HDGFL3: variants seen among roughly 807,000 people sequenced by gnomAD.
HDGFL3 encodes HDGF like 3.
In HDGFL3, 6 loss-of-function variants were observed where a neutral mutation model predicts 27.6. That is an observed-to-expected ratio of 0.22 (90% CI 0.12 to 0.43). The LOEUF is 0.43. HDGFL3 is among the 20% of genes least tolerant of loss of function. HDGFL3 has a pLI of 1.00. For synonymous variants in HDGFL3, 88 were observed against 88.9 expected, an observed-to-expected ratio of 0.99 and a Z score of 0.05; for missense variants, 207 against 250.1, an observed-to-expected ratio of 0.83 and a Z score of 1.16.
At position 83,136,767 on chromosome 15, in the gene HDGFL3, T is replaced by A; in HGVS notation, c.*2503A>T. 1 of 1,026,486 alleles carries A rather than the reference T, an allele frequency of 9.7e-7. No individual in the cohort carries two copies. The highest frequency in any genetic ancestry group is 1.4e-6 in the Non-Finnish European group (1 of 701,850). 63.6% of individuals were successfully genotyped at this position (1,026,486 alleles called of 1,614,324 possible). A position where few individuals can be genotyped will look rare whatever the true frequency, so the allele number is the denominator to read the frequency against. ...ATTTCACTCTCTTCTCATACGTGAG[T>A]ACTTAAGAATATGTACATTCTTGCT... is the stretch of plus-strand genomic sequence containing the variant. On this transcript the variant is annotated 3_prime_UTR_variant, in exon 6 of 6. Transcript: ENST00000299633.
chr15:83,128,095 C>G lies in HDGFL3; in HGVS notation c.*11175G>C, dbSNP rs1334891341. The G allele has an allele frequency of 6.6e-6, 1 of 152,106 alleles. No homozygotes were observed. The highest frequency in any genetic ancestry group is 1.5e-5 in the Non-Finnish European group (1 of 68,012). The allele number at this position is 152,106 out of a possible 1,614,324, so 9.4% of individuals were successfully genotyped here. Reference sequence around the variant, plus strand: ...TAGCAAAACAAATCAATCTTCTGAACAAGGAAGAAAATTAATTTTTCTTAC... The same window carrying G: ...TAGCAAAACAAATCAATCTTCTGAAGAAGGAAGAAAATTAATTTTTCTTAC... On this transcript the variant is annotated 3_prime_UTR_variant, in exon 6 of 6. Transcript: ENST00000299633.
intron 1 of HDGFL3, chr15:83,169,094 A>T: frequency 4.5e-6 from 1 of 219,830 alleles, no homozygotes. Flanking sequence ...CCCTCAAGAA[A>T]CTAGGTATTG....
intron 1 of HDGFL3, among the ~76,000 whole-genome samples, chr15:83,199,903 G>A (rs562833741): frequency 9.9e-5 from 15 of 151,496 alleles, no homozygotes; most frequent in African/African-American, 2.2e-4. Flanking sequence ...AAAATTAGCC[G>A]GGCATGGTGG....
At position 83,136,269 on chromosome 15, in the gene HDGFL3, A is replaced by G. The variant is rs1039247267; in HGVS notation, c.*3001T>C. ...TAATATCTACTTTATTTGAACAGTC[A>G]TATCAAGAATGGCCCTAAATTTAAT... is the stretch of plus-strand genomic sequence containing the variant. On this transcript the variant is annotated 3_prime_UTR_variant, in exon 6 of 6. Transcript: ENST00000299633. 1.2e-5 allele frequency: 5 copies of G among 417,662 alleles called. No homozygotes were observed. The highest frequency in any genetic ancestry group is 2.1e-5 in the Non-Finnish European group (5 of 236,522). 25.9% of individuals were successfully genotyped at this position (417,662 alleles called of 1,614,324 possible).
chr15:83,182,186 T>G (rs550605613), intron 1 of HDGFL3, among the ~76,000 whole-genome samples: 1 of 152,200 alleles, frequency 6.6e-6, no homozygotes, highest in African/African-American at 2.4e-5. Flanking sequence ...TGAAGTAGTA[T>G]CTTCTGTGGA....
At chr15:83,126,816 T>C, downstream of HDGFL3, 4 of 1,613,980 alleles carry the variant, frequency 2.5e-6, no homozygotes, top group Non-Finnish European at 3.4e-6. Context: ...GAGCCCTATC[T>C]AAAGGATCCT....
intron 2 of HDGFL3, among the ~76,000 whole-genome samples, chr15:83,162,368 C>T (rs922664187): frequency 6.6e-5 from 10 of 152,064 alleles, no homozygotes; most frequent in African/African-American, 2.4e-4. Context: ...AAATCTGCCT[C>T]TGGATGATCA....
At chr15:83,159,013 G>T (rs1204162933) in intron 2 of HDGFL3, among the ~76,000 whole-genome samples, 1 of 151,988 alleles carries the variant, frequency 6.6e-6, no homozygotes, top group African/African-American at 2.4e-5. Context: ...GACTAATTTT[G>T]TATTTTTAGT....
In HDGFL3 at chr15:83,139,108, G is replaced by A. The variant is rs1307332328; in HGVS notation, c.*162C>T. ...AAAGGCTAAAATGTCTTTTCCCCCC[G>A]AAACACAACAGAGAGGAATATGAAT... On this transcript the variant is annotated 3_prime_UTR_variant, in exon 6 of 6. Coordinates refer to ENST00000299633, the MANE Select transcript of HDGFL3 (RefSeq NM_016073.4). 1.2e-5 allele frequency: 5 copies of A among 428,500 alleles called. No homozygotes were observed. Among genetic ancestry groups the A allele is most frequent in the South Asian group, 8.0e-5 (1 of 12,572 alleles). The allele number at this position is 428,500 out of a possible 1,614,324, so 26.5% of individuals were successfully genotyped here.
intron 1 of HDGFL3, among the ~76,000 whole-genome samples, chr15:83,197,157 CCT>C (rs1020639001): frequency 2.6e-5 from 4 of 152,162 alleles, no homozygotes; most frequent in Non-Finnish European, 5.9e-5. Context: ...TTGTCCTTCC[CCT>C]GACATCACAC....
intron 2 of HDGFL3, among the ~76,000 whole-genome samples, chr15:83,161,813 T>C (rs2037105364): frequency 6.6e-6 from 1 of 152,222 alleles, no homozygotes; most frequent in Admixed American, 6.5e-5. Context: ...AATTGCTATA[T>C]GTTTTAAAAT....
chr15:83,141,591 A>AC (rs2036773366), intron 5 of HDGFL3, among the ~76,000 whole-genome samples: 1 of 152,062 alleles, frequency 6.6e-6, no homozygotes, highest in Non-Finnish European at 1.5e-5. Context: ...ATATTTAAAG[A>AC]CTTTTTTTTT....
intron 1 of HDGFL3, chr15:83,180,981 A>T (rs908001960): frequency 2.0e-5 from 3 of 152,054 alleles, no homozygotes; most frequent in Admixed American, 6.6e-5. Context: ...TGCAAGCATG[A>T]TGATATGGAA....
chr15:83,145,097 C>G (rs1448268357), intron 5 of HDGFL3, among the ~76,000 whole-genome samples: 1 of 152,034 alleles, frequency 6.6e-6, no homozygotes, highest in Non-Finnish European at 1.5e-5. Flanking sequence ...TCTCTTCTTT[C>G]TTTCCCTTAA....
chr15:83,160,661 G>A (rs2037090266), intron 2 of HDGFL3, among the ~76,000 whole-genome samples: 1 of 152,192 alleles, frequency 6.6e-6, no homozygotes. Context: ...CTCTGGAGTA[G>A]AGGGGAAATG....
At chr15:83,122,965 T>C (rs1410722471), downstream of HDGFL3, 2 of 1,487,954 alleles carry the variant, frequency 1.3e-6, no homozygotes, top group Non-Finnish European at 1.8e-6. Context: ...ACCATGCCTC[T>C]GTGGACTGGA....
chr15:83,113,168 CT>C (rs1489902249), exon 4 of HDGFL3: 2 of 514,008 alleles, frequency 3.9e-6, no homozygotes, highest in Non-Finnish European at 7.1e-6. Flanking sequence ...GCTTTGACCT[CT>C]GACCTCTGAC....
chr15:83,129,703 G>A lies in HDGFL3; in HGVS notation c.*9567C>T, dbSNP rs1282090757. 3.9e-5 allele frequency: 6 copies of A among 152,208 alleles called. No individual in the cohort carries two copies. Among genetic ancestry groups the A allele is most frequent in the African/African-American group, 1.4e-4 (6 of 41,434 alleles). 9.4% of individuals were successfully genotyped at this position (152,208 alleles called of 1,614,324 possible). Reference sequence around the variant, plus strand: ...CAGCACAAAAGACTGTATGTAGTACGAGGTGCTGGAGAACCTTGTGGGTGG... The same window carrying A: ...CAGCACAAAAGACTGTATGTAGTACAAGGTGCTGGAGAACCTTGTGGGTGG... On this transcript the variant is annotated 3_prime_UTR_variant, in exon 6 of 6. Coordinates refer to ENST00000299633, the MANE Select transcript of HDGFL3 (RefSeq NM_016073.4).
At chr15:83,175,738 T>C (rs2151413036) in intron 1 of HDGFL3, among the ~76,000 whole-genome samples, 1 of 152,246 alleles carries the variant, frequency 6.6e-6, no homozygotes, top group South Asian at 2.1e-4. Context: ...CGGGCACCTG[T>C]AGTCCCAGCT....
Sources: allele counts gnomAD v4.1 joint callset (sites outside exome capture counted in the v4.1 genomes callset), GRCh38; gene constraint gnomAD v4.1.1; transcripts MANE v1.5; gene names NCBI Gene and HGNC (gene_info 2026-07-23, HGNC 2026-07-21).